NBAS: variants seen among roughly 807,000 people sequenced by gnomAD.
NBAS encodes the protein NBAS subunit of NRZ tethering complex.
Under a neutral mutation model 302.5 loss-of-function variants are expected in NBAS, and 219 were observed. The observed-to-expected ratio is 0.72, with a 90% CI of 0.65 to 0.81. The LOEUF (loss-of-function observed/expected upper bound fraction) is 0.81. NBAS is among the 30% of genes least tolerant of loss of function. The pLI is 0.00. For missense variants in NBAS, 2,932 were observed against 2,841.6 expected (o/e 1.03, Z -0.72); for synonymous variants, 1,118 against 1,021.6 (o/e 1.09, Z -1.80).
chr2:15,511,122 C>T, intron 10 of NBAS, 90 bp downstream of exon 10: 1 of 1,468,490 alleles, frequency 6.8e-7, no homozygotes, highest in Non-Finnish European at 9.5e-7. Flanking sequence ...TTATTTCTTC[C>T]TCTATATCTT....
the NBAS span, among the ~76,000 whole-genome samples, chr2:15,059,927 G>A: frequency 2.7e-5 from 4 of 147,450 alleles, no homozygotes; most frequent in East Asian, 8.0e-4. Flanking sequence ...AATGATGGTA[G>A]GGAAGGATAG....
chr2:14,974,980 G>A, the NBAS span, among the ~76,000 whole-genome samples: 3 of 152,260 alleles, frequency 2.0e-5, no homozygotes, highest in African/African-American at 4.8e-5. Context: ...TTCTGGCTTC[G>A]AAGATGGAGG....
intron 38 of NBAS, among the ~76,000 whole-genome samples, chr2:15,326,754 A>G (rs1672087145): frequency 6.6e-6 from 1 of 152,184 alleles, no homozygotes; most frequent in African/African-American, 2.4e-5. Flanking sequence ...GGATAGGTAG[A>G]AAAACATGCA....
At chr2:15,462,861 A>C (rs1237841724) in intron 19 of NBAS, among the ~76,000 whole-genome samples, 1 of 152,246 alleles carries the variant, frequency 6.6e-6, no homozygotes, top group Non-Finnish European at 1.5e-5. Context: ...ACATTATTTA[A>C]AGGATGAACA....
intron 7 of NBAS, among the ~76,000 whole-genome samples, chr2:15,537,704 A>G (rs966397908): frequency 2.6e-5 from 4 of 152,306 alleles, no homozygotes; most frequent in African/African-American, 9.6e-5. Flanking sequence ...GCAAGACTCT[A>G]TCTTTAAAAA....
the NBAS span, among the ~76,000 whole-genome samples, chr2:14,917,041 C>G: frequency 6.6e-6 from 1 of 152,178 alleles, no homozygotes; most frequent in East Asian, 1.9e-4. Context: ...TGGATTTTAC[C>G]TACATGGAAA....
rs1673383603 is a variant in NBAS, at chr2:15,352,005, T to C, written c.4166A>G (p.Lys1389Arg). 6.2e-7 allele frequency: 1 copy of C among 1,609,748 alleles called. No homozygotes were observed. Among genetic ancestry groups the C allele is most frequent in the Admixed American group, 1.7e-5 (1 of 59,964 alleles). ...ATTTTAACTTACCTCTTGTACTGCT[T>C]TACTAGTTAATGGTGAAGCACTGAT... is the stretch of plus-strand genomic sequence containing the variant. Reference protein sequence around the residue: ...ENISASPLTSKAVQEDEVGVP... With the variant: ...ENISASPLTSRAVQEDEVGVP... The change falls in exon 35 of 52, where the codon AAA becomes AGA. Residue 1389 changes from lysine to arginine, a missense_variant. Physicochemically the swap from Lys to Arg is conservative, Grantham distance 26. Transcript: ENST00000281513.
At chr2:14,833,336 G>C in the NBAS span, among the ~76,000 whole-genome samples, 1 of 151,994 alleles carries the variant, frequency 6.6e-6, no homozygotes. Context: ...AGTTACATGA[G>C]GTTATTCTGA....
chr2:14,786,593 C>T, the NBAS span, among the ~76,000 whole-genome samples: 2 of 152,122 alleles, frequency 1.3e-5, no homozygotes, highest in African/African-American at 4.8e-5. Flanking sequence ...AGTAGTCATT[C>T]AGGAGCAGGT....
In NBAS at chr2:15,467,764, A is replaced by C; in HGVS notation, c.1918T>G (p.Tyr640Asp). Residue 640 changes from tyrosine to aspartate, a missense_variant, in exon 18 of 52, where the codon TAT becomes GAT. Physicochemically the swap from Tyr to Asp is radical, Grantham distance 160. Coordinates refer to ENST00000281513, the MANE Select transcript of NBAS (RefSeq NM_015909.4). ...TCATCAGGTGGTGAAAGCTCTTCAT[A>C]GGAGATACTGTCAATGTCTATTTCA... ...PGEIDIDSISYEELSPPDEEP... is the reference protein window; with the variant it reads ...PGEIDIDSISDEELSPPDEEP... The C allele has an allele frequency of 1.3e-6, 2 of 1,596,866 alleles. No homozygotes were observed. Among genetic ancestry groups the C allele is most frequent in the Non-Finnish European group, 1.7e-6 (2 of 1,164,560 alleles).
At chr2:15,348,970 AATACTTC>A (rs1397116527) in intron 35 of NBAS, among the ~76,000 whole-genome samples, 1 of 152,196 alleles carries the variant, frequency 6.6e-6, no homozygotes, top group Non-Finnish European at 1.5e-5. Flanking sequence ...TCACAAAGAA[AATACTTC>A]ATATGGAAGG....
the NBAS span, among the ~76,000 whole-genome samples, chr2:14,880,566 T>C: frequency 6.6e-6 from 1 of 151,718 alleles, no homozygotes; most frequent in Non-Finnish European, 1.5e-5. Context: ...AGCTACATTA[T>C]AAGGTAAAAA....
intron 35 of NBAS, among the ~76,000 whole-genome samples, chr2:15,346,267 A>T (rs1407171864): frequency 6.6e-6 from 1 of 152,066 alleles, no homozygotes; most frequent in Admixed American, 6.6e-5. Context: ...TCTGACAAAG[A>T]TCCAATATCC....
At chr2:15,045,994 A>G in the NBAS span, among the ~76,000 whole-genome samples, 1 of 152,142 alleles carries the variant, frequency 6.6e-6, no homozygotes, top group Non-Finnish European at 1.5e-5. Context: ...GCTTTCACCA[A>G]TTAGTGAGCT....
intron 33 of NBAS, among the ~76,000 whole-genome samples, chr2:15,354,634 A>G (rs887343682): frequency 3.9e-5 from 6 of 152,258 alleles, no homozygotes; most frequent in African/African-American, 9.6e-5. Flanking sequence ...TGAAGTTGTA[A>G]TATATTGAAT....
the NBAS span, among the ~76,000 whole-genome samples, chr2:15,052,302 G>C: frequency 6.6e-6 from 1 of 152,152 alleles, no homozygotes; most frequent in Non-Finnish European, 1.5e-5. Context: ...TGACTCTAGT[G>C]GTTTTCAAAC....
At chr2:14,882,976 T>C in the NBAS span, among the ~76,000 whole-genome samples, 111 of 152,278 alleles carry the variant, frequency 7.3e-4, no homozygotes, top group African/African-American at 2.5e-3. Flanking sequence ...CATCCCCTGG[T>C]GATATTTGCC....
At chr2:14,807,412 T>C in the NBAS span, among the ~76,000 whole-genome samples, 4 of 151,882 alleles carry the variant, frequency 2.6e-5, no homozygotes, top group African/African-American at 9.7e-5. Context: ...TATAGCTCTT[T>C]ACATTCTCTT....
chr2:15,452,409 C>T (rs13007849), intron 21 of NBAS, among the ~76,000 whole-genome samples: 92,755 of 151,220 alleles, frequency 0.61, 29,308 homozygotes, highest in Non-Finnish European at 0.68. Context: ...TCCTGGCTAA[C>T]ACGGTGAAAC....
Sources: allele counts gnomAD v4.1 joint callset (sites outside exome capture counted in the v4.1 genomes callset), GRCh38; gene constraint gnomAD v4.1.1; transcripts MANE v1.5; gene names NCBI Gene and HGNC (gene_info 2026-07-23, HGNC 2026-07-21).